The following NF1 variants were observed in gnomAD, a reference collection of about 807,000 sequenced individuals.
The protein encoded by NF1 is neurofibromin.
In NF1, 122 loss-of-function variants were observed where a neutral mutation model predicts 325.7. The observed-to-expected ratio is 0.37, with a 90% CI of 0.32 to 0.44. NF1 has a LOEUF of 0.44. Among genes scored for constraint, NF1 ranks in the 20% least tolerant of loss-of-function variants. The probability of loss-of-function intolerance (pLI) is 1.00; values close to 1 mark genes in which losing one functional copy is unlikely to be tolerated. For synonymous variants in NF1, 1,091 were observed against 1,186.0 expected (o/e 0.92, Z 1.65); for missense variants, 2,140 against 3,415.4 (o/e 0.63, Z 9.31).
At position 31,235,744 on chromosome 17, in the gene NF1, C is replaced by G. The variant is rs1060500341; in HGVS notation, c.3842C>G (p.Ala1281Gly). ...MQTLFRGNSLASKIMTFCFKV... is the reference protein window; with the variant it reads ...MQTLFRGNSLGSKIMTFCFKV... ...ACTCTCTTCCGAGGCAACAGCTTGG[C>G]CAGTAAAATAATGACATTCTGTTTC... is the stretch of plus-strand genomic sequence containing the variant. Residue 1281 changes from alanine to glycine, a missense_variant, in exon 28 of 58, where the codon GCC becomes GGC. By Grantham distance (60) the Ala-to-Gly change is moderately conservative (BLOSUM62 0). Coordinates refer to ENST00000358273, the MANE Select transcript of NF1 (RefSeq NM_001042492.3). 6.2e-7 allele frequency: 1 copy of G among 1,614,044 alleles called. No individual in the cohort carries two copies. Among genetic ancestry groups the G allele is most frequent in the Non-Finnish European group, 8.5e-7 (1 of 1,180,004 alleles).
chr17:31,342,579 C>T (rs2069852011), intron 47 of NF1, among the ~76,000 whole-genome samples: 1 of 152,176 alleles, frequency 6.6e-6, no homozygotes, highest in Admixed American at 6.5e-5. Flanking sequence ...CAGAGTAAGA[C>T]TCCATCTCAA....
chr17:31,123,848 T>G (rs1319891050), intron 1 of NF1, among the ~76,000 whole-genome samples: 1 of 152,226 alleles, frequency 6.6e-6, no homozygotes, highest in East Asian at 1.9e-4. Context: ...TAGTGGCAAG[T>G]AGCCTCCTAT....
At position 31,232,821 on chromosome 17, in the gene NF1, G is replaced by A. The variant is rs201047812; in HGVS notation, c.3436G>A (p.Val1146Ile). 2.0e-4 allele frequency: 323 copies of A among 1,613,930 alleles called. No individual in the cohort carries two copies. The highest frequency in any genetic ancestry group is 2.5e-4 in the Non-Finnish European group (294 of 1,180,014). The change falls in exon 26 of 58, where the codon GTC (valine) becomes ATC (isoleucine). Residue 1146 changes from valine (V) to isoleucine (I), a missense_variant. Val to Ile is a conservative substitution (Grantham distance 29, BLOSUM62 3). Around this residue, in one of 10 missense-constraint regions of NF1, gnomAD observed 380 missense variants for 639.3 expected, o/e 0.59. Coordinates refer to ENST00000358273, the MANE Select transcript of NF1 (RefSeq NM_001042492.3). ...RRLASLRHCT[V>I]LAMSNLLNAN... Reference sequence around the variant, plus strand: ...GCTGGCATCACTGAGGCACTGTACGGTCCTTGCAATGTCAAACTTACTCAA... The same window carrying A: ...GCTGGCATCACTGAGGCACTGTACGATCCTTGCAATGTCAAACTTACTCAA...
intron 36 of NF1, chr17:31,318,739 T>C: frequency 6.2e-7 from 1 of 1,614,106 alleles, no homozygotes; most frequent in Non-Finnish European, 8.5e-7. Context: ...ATAAAGCTCC[T>C]GTTCAGATTT....
At position 31,357,002 on chromosome 17, in the gene NF1, G is replaced by A. The variant is rs774781617; in HGVS notation, c.7781G>A (p.Arg2594His). 8 of 1,613,774 alleles carry A rather than the reference G, an allele frequency of 5.0e-6. No homozygotes were observed. The highest frequency in any genetic ancestry group is 2.7e-5 in the African/African-American group (2 of 74,890). The change falls in exon 53 of 58, where the codon CGT becomes CAT. Residue 2594 changes from arginine (R) to histidine (H), a missense_variant. Coordinates refer to ENST00000358273, the MANE Select transcript of NF1 (RefSeq NM_001042492.3). ...ISSSQQHPHL[R>H]KVSVSESNVL... is the part of the protein sequence containing the mutation. ...TCATCACAACAGCACCCACATTTAC[G>A]TAAAGTTTCAGTGTCTGAATCAAAT...
intron 12 of NF1, among the ~76,000 whole-genome samples, chr17:31,207,802 G>A (rs2066650150): frequency 6.6e-6 from 1 of 152,062 alleles, no homozygotes; most frequent in South Asian, 2.1e-4. Context: ...TTATTGACCT[G>A]TTTATTCCAG....
At chr17:31,257,786 G>T (rs1411248832) in intron 31 of NF1, 1 of 151,834 alleles carries the variant, frequency 6.6e-6, no homozygotes, top group Non-Finnish European at 1.5e-5. Context: ...AACATTACTT[G>T]TAAGTAAGTT....
chr17:31,243,580 C>G (rs2151445755), intron 29 of NF1, among the ~76,000 whole-genome samples: 1 of 151,688 alleles, frequency 6.6e-6, no homozygotes, highest in East Asian at 2.0e-4. Flanking sequence ...GAGTCTTTTC[C>G]CATGGCCGCC....
At chr17:31,244,327 C>T (rs1485433957) in intron 29 of NF1, among the ~76,000 whole-genome samples, 2 of 152,150 alleles carry the variant, frequency 1.3e-5, no homozygotes, top group Non-Finnish European at 2.9e-5. Flanking sequence ...CCCTGGCTGT[C>T]TCACTAGGTC....
chr17:31,253,114 TCTA>T, intron 31 of NF1, 114 bp downstream of exon 31: 7 of 784,956 alleles, frequency 8.9e-6, no homozygotes, highest in Non-Finnish European at 1.5e-5. Flanking sequence ...GTAAAATCAT[TCTA>T]CTAATTCTGG....
Position 31,337,842 on chromosome 17 carries a change from G to T in NF1, c.6666G>T (p.Thr2222=). 6.2e-7 allele frequency: 1 copy of T among 1,613,876 alleles called. No homozygotes were observed. Residue 2222 remains threonine (T), a synonymous_variant, in exon 44 of 58, where the codon ACG becomes ACT. Coordinates refer to ENST00000358273, the MANE Select transcript of NF1 (RefSeq NM_001042492.3). ...AGGCATGCATGAGAGATATTCCAAC[G>T]TGCAAGTGGCTGGACCAGTGGACAG... is the stretch of plus-strand genomic sequence containing the variant. ...IMEACMRDIP[T]CKWLDQWTEL...
chr17:31,107,611 TAAAAA>T (rs1912981420), intron 1 of NF1, among the ~76,000 whole-genome samples: 1 of 151,820 alleles, frequency 6.6e-6, no homozygotes, highest in African/African-American at 2.4e-5. Flanking sequence ...AATAAATACA[TAAAAA>T]TAAAATAAAA....
At chr17:31,225,865 G>T (rs1333090230) in intron 17 of NF1, among the ~76,000 whole-genome samples, 1 of 152,154 alleles carries the variant, frequency 6.6e-6, no homozygotes, top group African/African-American at 2.4e-5. Flanking sequence ...TTTACTTGTA[G>T]AATTTGCATT....
At chr17:31,258,785 A>G (rs1190448191) in intron 32 of NF1, among the ~76,000 whole-genome samples, 1 of 152,114 alleles carries the variant, frequency 6.6e-6, no homozygotes, top group Non-Finnish European at 1.5e-5. Flanking sequence ...AATGTAGACT[A>G]TAGGATTTTT....
At chr17:31,238,648 G>A (rs191965211) in intron 29 of NF1, among the ~76,000 whole-genome samples, 167 of 151,786 alleles carry the variant, frequency 1.1e-3, no homozygotes, top group African/African-American at 3.8e-3. Context: ...CAGGAGAATC[G>A]CTTGAACCCA....
At position 31,123,430 on chromosome 17, in the gene NF1, G is replaced by A. The variant is rs567497820; in HGVS notation, c.60+28061G>A. On this transcript the variant is annotated intron_variant, in intron 1 of 57. Coordinates refer to ENST00000358273, the MANE Select transcript of NF1 (RefSeq NM_001042492.3). ...TATTTCTTTATACAACTAGGAAAAG[G>A]GATTATTCAGAAATTTGGTTGATGG... Among the ~76,000 whole-genome samples, 7 of 152,082 alleles carry A rather than the reference G, an allele frequency of 4.6e-5. No individual in the cohort carries two copies. In the South Asian group the frequency reaches 1.5e-3, roughly 32 times the overall value.
intron 57 of NF1, chr17:31,367,164 C>T: frequency 9.8e-7 from 1 of 1,017,558 alleles, no homozygotes; most frequent in Non-Finnish European, 1.4e-6. Flanking sequence ...TTGTATTTCA[C>T]CCTTTTTTAA....
chr17:31,222,017 A>G (rs539693958), intron 15 of NF1, 88 bp downstream of exon 15: 1 of 1,342,274 alleles, frequency 7.5e-7, no homozygotes, highest in Non-Finnish European at 9.6e-7. Context: ...TACTTAGTAC[A>G]TTGTAAAACT....
At position 31,261,806 on chromosome 17, in the gene NF1, A is replaced by G. The variant is rs1597748910; in HGVS notation, c.4673A>G (p.His1558Arg). 1.2e-6 allele frequency: 2 copies of G among 1,612,930 alleles called. No homozygotes were observed. Among genetic ancestry groups the G allele is most frequent in the Non-Finnish European group, 1.7e-6 (2 of 1,179,968 alleles). ...GAGCACAAACCTGTGGCAGATACAC[A>G]CTGGTCCAGCCTTAACCTTACCAGT... Reference protein sequence around the residue: ...PPEHKPVADTHWSSLNLTSSK... With the variant: ...PPEHKPVADTRWSSLNLTSSK... Residue 1558 changes from histidine (H) to arginine (R), a missense_variant, in exon 35 of 58, where the codon CAC becomes CGC. By Grantham distance (29) the His-to-Arg change is conservative. This residue lies in a region of NF1 where 103 missense variants were observed against 214.6 expected (regional missense o/e 0.48). Transcript: ENST00000358273.
Sources: gnomAD v4.1 joint callset for allele counts (sites outside exome capture counted in the v4.1 genomes callset) on GRCh38, gnomAD v4.1.1 for gene constraint, gnomAD v4.1.1 regional missense constraint, MANE v1.5 for transcripts, NCBI Gene and HGNC (gene_info 2026-07-23, HGNC 2026-07-21) for gene names.